The following DET1 variants were observed in gnomAD, a reference collection of about 807,000 sequenced individuals.
DET1 encodes the protein DET1 partner of COP1 E3 ubiquitin ligase, also known as DET1 homolog.
DET1 carries 22 observed loss-of-function variants against 43.7 expected under a neutral mutation model. That is an observed-to-expected ratio of 0.50 (90% CI 0.36 to 0.72). The LOEUF (loss-of-function observed/expected upper bound fraction) is 0.72. Among genes scored for constraint, DET1 ranks in the 30% least tolerant of loss-of-function variants. The probability of loss-of-function intolerance (pLI) is 0.00; values close to 1 mark genes in which losing one functional copy is unlikely to be tolerated. For missense variants in DET1, 713 were observed against 713.3 expected (o/e 1.00, Z 0.00); for synonymous variants, 315 against 266.2 (o/e 1.18, Z -1.79).
chr15:88,529,407 T>C (rs1160805257), intron 2 of DET1, among the ~76,000 whole-genome samples: 1 of 152,164 alleles, frequency 6.6e-6, no homozygotes, highest in Non-Finnish European at 1.5e-5. Context: ...CAGGATCCCA[T>C]GATGCATAAG....
At chr15:88,508,616 G>A (rs964963347), downstream of DET1, among the ~76,000 whole-genome samples, 10 of 152,350 alleles carry the variant, frequency 6.6e-5, no homozygotes, top group African/African-American at 2.4e-4. Context: ...TTGGGAGGTT[G>A]AGGAAAAGAA....
chr15:88,512,078 G>A (rs538826958), downstream of DET1, among the ~76,000 whole-genome samples: 2 of 152,336 alleles, frequency 1.3e-5, no homozygotes, highest in African/African-American at 4.8e-5. Flanking sequence ...AGCCATCCAG[G>A]AACAGCCAGT....
chr15:88,537,128 TG>T (rs1386741649), intron 1 of DET1, among the ~76,000 whole-genome samples: 6 of 152,210 alleles, frequency 3.9e-5, no homozygotes, highest in Admixed American at 1.3e-4. Flanking sequence ...TCACACCTCA[TG>T]AATAGAGCCT....
chr15:88,509,356 A>C (rs1598309410), downstream of DET1, among the ~76,000 whole-genome samples: 1 of 152,314 alleles, frequency 6.6e-6, no homozygotes, highest in East Asian at 1.9e-4. Context: ...AAAGGTGCAA[A>C]ACAGCAATTT....
At chr15:88,541,685 C>T (rs1286770765) in intron 1 of DET1, among the ~76,000 whole-genome samples, 1 of 152,218 alleles carries the variant, frequency 6.6e-6, no homozygotes, top group Admixed American at 6.5e-5. Flanking sequence ...CTCCTGGCCA[C>T]CCTGATCAGT....
downstream of DET1, chr15:88,511,571 T>C: frequency 7.1e-6 from 7 of 985,514 alleles, no homozygotes; most frequent in Non-Finnish European, 8.4e-6. Context: ...CCTTCCTTCA[T>C]CTGTCTCCAC....
rs150740327 is a variant in DET1, at chr15:88,541,284, C to T, written c.-11+5256G>A. Among the ~76,000 whole-genome samples the T allele has an allele frequency of 1.7e-4, 26 of 151,884 alleles. No individual in the cohort carries two copies. In the East Asian group the frequency reaches 4.3e-3, roughly 25 times the overall value. On this transcript the variant is annotated intron_variant, in intron 1 of 4. Coordinates refer to ENST00000268148, the MANE Select transcript of DET1 (RefSeq NM_001144074.3). The stretch of plus-strand genomic sequence containing the variant: ...CACGTGTTTGTCTGCTGACCCTCTC[C>T]GCACAATTGTCTTGTGACCCTGACA...
chr15:88,526,120 G>A (rs2056656192), intron 3 of DET1, among the ~76,000 whole-genome samples: 1 of 152,154 alleles, frequency 6.6e-6, no homozygotes, highest in African/African-American at 2.4e-5. Context: ...AGATTTGTGT[G>A]AACCAAAGAA....
chr15:88,508,573 C>A (rs1177379928), downstream of DET1, among the ~76,000 whole-genome samples: 3 of 152,136 alleles, frequency 2.0e-5, no homozygotes, highest in African/African-American at 7.2e-5. Flanking sequence ...CCAAGTATTT[C>A]TTGGTATAGA....
At chr15:88,514,503 T>C (rs1338670959) in intron 4 of DET1, among the ~76,000 whole-genome samples, 2 of 152,254 alleles carry the variant, frequency 1.3e-5, no homozygotes, top group Non-Finnish European at 2.9e-5. Context: ...ATGACTACTA[T>C]GGCATTTGTT....
In DET1 at chr15:88,512,769, T is replaced by A; in HGVS notation, c.*182A>T. 7.2e-7 allele frequency: 1 copy of A among 1,390,272 alleles called. No homozygotes were observed. Among genetic ancestry groups the A allele is most frequent in the Non-Finnish European group, 9.3e-7 (1 of 1,074,226 alleles). The allele number at this position is 1,390,272 out of a possible 1,614,324, so 86.1% of individuals were successfully genotyped here. A position where few individuals can be genotyped will look rare whatever the true frequency, so the allele number is the denominator to read the frequency against. Reference sequence around the variant, plus strand: ...TATAACAATCAGTAGCAGTATTGTATACAATTTAAAAATTCCATTAGGTTG... The same window carrying A: ...TATAACAATCAGTAGCAGTATTGTAAACAATTTAAAAATTCCATTAGGTTG... On this transcript the variant is annotated 3_prime_UTR_variant, in exon 5 of 5. Coordinates refer to ENST00000268148, the MANE Select transcript of DET1 (RefSeq NM_001144074.3).
chr15:88,522,209 A>G (rs2056509037), intron 3 of DET1, among the ~76,000 whole-genome samples: 1 of 152,234 alleles, frequency 6.6e-6, no homozygotes, highest in Non-Finnish European at 1.5e-5. Context: ...AAAGTTTAAC[A>G]GTCAGATCTC....
At chr15:88,532,004 A>T (rs2056828349) in intron 1 of DET1, 2 of 302,032 alleles carry the variant, frequency 6.6e-6, no homozygotes, top group Non-Finnish European at 1.2e-5. Context: ...AAATTTGAAC[A>T]GTATAAGACA....
Position 88,512,590 on chromosome 15 carries a change from C to G in DET1, c.*361G>C. ...CTCATCAGTAAACAAGATTTAACTGCTTTCAGATGCAAACCATAATGCCGA... is the reference window on the plus strand; with the variant it reads ...CTCATCAGTAAACAAGATTTAACTGGTTTCAGATGCAAACCATAATGCCGA... On this transcript the variant is annotated 3_prime_UTR_variant, in exon 5 of 5. Transcript: ENST00000268148. The G allele has an allele frequency of 9.8e-7, 1 of 1,019,688 alleles. No homozygotes were observed. The highest frequency in any genetic ancestry group is 1.2e-6 in the Non-Finnish European group (1 of 852,260). 63.2% of individuals were successfully genotyped at this position (1,019,688 alleles called of 1,614,324 possible).
chr15:88,535,438 G>GAA (rs36091832), intron 1 of DET1, among the ~76,000 whole-genome samples: 747 of 143,724 alleles, frequency 5.2e-3, no homozygotes, highest in Non-Finnish European at 7.2e-3. Flanking sequence ...AGAATGCTAA[G>GAA]AAAAAAAAAA....
intron 3 of DET1, among the ~76,000 whole-genome samples, chr15:88,526,031 C>G (rs2056654083): frequency 6.6e-6 from 1 of 151,874 alleles, no homozygotes; most frequent in Non-Finnish European, 1.5e-5. Context: ...GAAAATTCAT[C>G]CCAAAATGAA....
rs995848644 is a variant in DET1 at position 88,504,703 on chromosome 15, G to C, written c.*2066-716C>G. 1.3e-5 allele frequency: 2 copies of C among 152,008 alleles called. No homozygotes were observed. Among genetic ancestry groups the C allele is most frequent in the African/African-American group, 4.8e-5 (2 of 41,362 alleles). 9.4% of individuals were successfully genotyped at this position (152,008 alleles called of 1,614,324 possible). A position where few individuals can be genotyped will look rare whatever the true frequency, so the allele number is the denominator to read the frequency against. ...CACACTCAGCCCTAATCACCCCAGGGCCAGGTACCAGACAACCAGGGATAG... is the reference window on the plus strand; with the variant it reads ...CACACTCAGCCCTAATCACCCCAGGCCCAGGTACCAGACAACCAGGGATAG... On this transcript the variant is annotated intron_variant and NMD_transcript_variant, in intron 7 of 8. Transcript: ENST00000557842. This position sits in a 1 kb window ranked among gnomAD's most constrained non-coding sequence, Gnocchi z 4.7.
At chr15:88,527,108 A>G (rs914617604) in intron 3 of DET1, among the ~76,000 whole-genome samples, 3 of 152,224 alleles carry the variant, frequency 2.0e-5, no homozygotes, top group Admixed American at 2.0e-4. Flanking sequence ...AATATGTCCT[A>G]TCTCCCATCA....
In DET1 at chr15:88,541,504, G is replaced by T. The variant is rs531808221; in HGVS notation, c.-11+5036C>A. Reference sequence around the variant, plus strand: ...GAGAAACACCCACAGGTGTGTAGGGGCAACCCACCCCTACATCTTGGTTTT... The same window carrying T: ...GAGAAACACCCACAGGTGTGTAGGGTCAACCCACCCCTACATCTTGGTTTT... On this transcript the variant is annotated intron_variant, in intron 1 of 4. Coordinates refer to ENST00000268148, the MANE Select transcript of DET1 (RefSeq NM_001144074.3). Among the ~76,000 whole-genome samples, 40 of 152,158 alleles carry T rather than the reference G, an allele frequency of 2.6e-4. No homozygotes were observed. The East Asian group carries it at 6.6e-3, about 25-fold the overall frequency.
Sources: allele counts gnomAD v4.1 joint callset (sites outside exome capture counted in the v4.1 genomes callset), GRCh38; gene constraint gnomAD v4.1.1; non-coding constraint Gnocchi (gnomAD v3.1); transcripts MANE v1.5; gene names NCBI Gene and HGNC (gene_info 2026-07-23, HGNC 2026-07-21).